The following FAM13C variants were observed in gnomAD, a reference collection of about 807,000 sequenced individuals.
FAM13C encodes protein FAM13C.
FAM13C carries 37 observed loss-of-function variants against 73.2 expected under a neutral mutation model. The ratio of observed to expected loss-of-function variants is 0.51; its 90% CI spans 0.39 to 0.67. The LOEUF (loss-of-function observed/expected upper bound fraction) is 0.67, where lower values mean the gene tolerates loss of function less well. FAM13C is among the 30% of genes least tolerant of loss of function. The probability of loss-of-function intolerance (pLI) is 0.00; values close to 1 mark genes in which losing one functional copy is unlikely to be tolerated. For synonymous variants in FAM13C, 246 were observed against 260.9 expected, an observed-to-expected ratio of 0.94 and a Z score of 0.55; for missense variants, 589 against 715.6, an observed-to-expected ratio of 0.82 and a Z score of 2.02.
chr10:59,352,149 A>C, intron 3 of FAM13C, 121 bp downstream of exon 3: 1 of 1,110,352 alleles, frequency 9.0e-7, no homozygotes, highest in Non-Finnish European at 1.3e-6. Flanking sequence ...CAGAGCACGC[A>C]ATGACAAGTC....
intron 3 of FAM13C, among the ~76,000 whole-genome samples, chr10:59,350,986 A>T (rs1282817586): frequency 6.6e-6 from 1 of 152,236 alleles, no homozygotes; most frequent in Non-Finnish European, 1.5e-5. Context: ...AATCTCAACT[A>T]TAGAAATATT....
chr10:59,268,506 G>T (rs754197787), intron 8 of FAM13C, 47 bp downstream of exon 8: 5 of 1,604,456 alleles, frequency 3.1e-6, no homozygotes, highest in Non-Finnish European at 4.3e-6. Context: ...GGAGAATCCA[G>T]ACACCTCTGA....
chr10:59,360,215 A>T (rs1449901698), intron 1 of FAM13C, among the ~76,000 whole-genome samples: 1 of 152,248 alleles, frequency 6.6e-6, no homozygotes, highest in Non-Finnish European at 1.5e-5. Context: ...TTCATATTAA[A>T]GTATTCATGA....
chr10:59,300,337 A>T (rs1406070336), intron 5 of FAM13C, among the ~76,000 whole-genome samples: 5 of 152,222 alleles, frequency 3.3e-5, no homozygotes, highest in Non-Finnish European at 5.9e-5. Context: ...TTGGACCATG[A>T]TTCTCATGAG....
intron 3 of FAM13C, among the ~76,000 whole-genome samples, chr10:59,324,906 CAAAACT>C (rs150582272): frequency 0.049 from 7,489 of 152,066 alleles, 541 homozygotes; most frequent in African/African-American, 0.16. Flanking sequence ...ATAAACACAC[CAAAACT>C]AAAACTAATC....
intron 4 of FAM13C, among the ~76,000 whole-genome samples, chr10:59,307,040 T>A (rs1848337083): frequency 6.6e-6 from 1 of 152,012 alleles, no homozygotes; most frequent in Non-Finnish European, 1.5e-5. Flanking sequence ...TGAGTCTGTG[T>A]GACAAGGAAA....
chr10:59,336,625 T>C (rs1294060906), intron 3 of FAM13C, among the ~76,000 whole-genome samples: 2 of 152,340 alleles, frequency 1.3e-5, no homozygotes, highest in East Asian at 3.9e-4. Context: ...CCTTTTCAGC[T>C]TTTATAGTGA....
chr10:59,319,780 TCTAA>T (rs747346539), intron 4 of FAM13C, among the ~76,000 whole-genome samples: 7 of 152,190 alleles, frequency 4.6e-5, no homozygotes, highest in Non-Finnish European at 1.0e-4. Flanking sequence ...TTCTTCCAGC[TCTAA>T]CTAACTGCAG....
chr10:59,343,136 C>T (rs930942), intron 3 of FAM13C, among the ~76,000 whole-genome samples: 1,667 of 152,220 alleles, frequency 0.011, 15 homozygotes, highest in Non-Finnish European at 0.017. Flanking sequence ...CACGATTATT[C>T]CTAAATAAAA....
At chr10:59,358,304 GGAGGTGGAGGCTGT>G (rs1294656410) in intron 1 of FAM13C, among the ~76,000 whole-genome samples, 1 of 152,140 alleles carries the variant, frequency 6.6e-6, no homozygotes, top group Non-Finnish European at 1.5e-5. Context: ...CTTGAACTTG[GGAGGTGGAGGCTGT>G]AGTGAGCCGG....
At chr10:59,271,053 AG>A (rs1355627954) in intron 6 of FAM13C, among the ~76,000 whole-genome samples, 2 of 152,150 alleles carry the variant, frequency 1.3e-5, no homozygotes, top group Non-Finnish European at 2.9e-5. Flanking sequence ...AAACTGAGTC[AG>A]GGGGCCAGAA....
chr10:59,321,916 C>G (rs1030641610), intron 4 of FAM13C, among the ~76,000 whole-genome samples: 3 of 152,086 alleles, frequency 2.0e-5, no homozygotes, highest in African/African-American at 7.2e-5. Context: ...ATAGCATTCT[C>G]CCCAGCCCAC....
intron 5 of FAM13C, among the ~76,000 whole-genome samples, chr10:59,286,369 G>T (rs1405879545): frequency 6.6e-6 from 1 of 151,532 alleles, no homozygotes; most frequent in African/African-American, 2.4e-5. Context: ...ATAAAAATTA[G>T]CTGGGCATGG....
rs754456570 is a variant in FAM13C, at chr10:59,352,431, C to A, written c.163G>T (p.Val55Leu). 4 of 1,613,560 alleles carry A rather than the reference C, an allele frequency of 2.5e-6. No individual in the cohort carries two copies. In the East Asian group the frequency reaches 8.9e-5, roughly 36 times the overall value. The change falls in exon 3 of 14, where the codon GTA (valine) becomes TTA (leucine). Residue 55 changes from valine (V) to leucine (L), a missense_variant. By Grantham distance (32) the Val-to-Leu change is conservative. Coordinates refer to ENST00000618804, the MANE Select transcript of FAM13C (RefSeq NM_198215.4). ...KENYPDAGALVEEHAPPSWEP... is the reference protein window; with the variant it reads ...KENYPDAGALLEEHAPPSWEP... Reference sequence around the variant, plus strand: ...CAAGAGGGCGGCGCGTGCTCTTCTACCAGAGCCCCTGCGTCGGGGTAGTTC... The same window carrying A: ...CAAGAGGGCGGCGCGTGCTCTTCTAACAGAGCCCCTGCGTCGGGGTAGTTC...
intron 4 of FAM13C, among the ~76,000 whole-genome samples, chr10:59,304,664 C>G (rs1847989026): frequency 6.6e-6 from 1 of 150,618 alleles, no homozygotes; most frequent in African/African-American, 2.5e-5. Context: ...GGCTTAATAC[C>G]TGGGTGATTA....
chr10:59,304,761 GAGGGAAGGGAAGGGAAGGGAAGGGA>G (rs1191616510), intron 4 of FAM13C, among the ~76,000 whole-genome samples: 2 of 41,130 alleles, frequency 4.9e-5, no homozygotes, highest in African/African-American at 2.6e-4. Flanking sequence ...TAAATAAAAA[GAGGGAAGGGAAGGGAAGGGAAGGGA>G]AGGGAAGGGA....
At chr10:59,351,780 G>A (rs972182953) in intron 3 of FAM13C, among the ~76,000 whole-genome samples, 1 of 152,154 alleles carries the variant, frequency 6.6e-6, no homozygotes. Context: ...GATCACCTGA[G>A]GTCAGGTGTT....
At chr10:59,307,965 A>T (rs1848452152) in intron 4 of FAM13C, among the ~76,000 whole-genome samples, 1 of 152,088 alleles carries the variant, frequency 6.6e-6, no homozygotes, top group Admixed American at 6.6e-5. Context: ...GCCATCTCAA[A>T]CTCCCTTCTT....
intron 3 of FAM13C, among the ~76,000 whole-genome samples, chr10:59,350,282 G>T (rs567951893): frequency 6.6e-6 from 1 of 152,328 alleles, no homozygotes; most frequent in South Asian, 2.1e-4. Context: ...AACAGGCTGG[G>T]AATTACATGC....
Sources: allele counts gnomAD v4.1 joint callset (sites outside exome capture counted in the v4.1 genomes callset), GRCh38; gene constraint gnomAD v4.1.1; transcripts MANE v1.5; gene names NCBI Gene and HGNC (gene_info 2026-07-23, HGNC 2026-07-21).